Variants in GLRX3 observed in about 807,000 individuals in gnomAD.
The protein encoded by GLRX3 is glutaredoxin 3.
Under a neutral mutation model 49.5 loss-of-function variants are expected in GLRX3, and 22 were observed. That is an observed-to-expected ratio of 0.44 (90% CI 0.32 to 0.63). The LOEUF is 0.63. Ranked by LOEUF, GLRX3 falls within the 30% of genes least tolerant of loss-of-function variation. The pLI, the probability that GLRX3 is intolerant of heterozygous loss-of-function variation, is 0.05. For missense variants in GLRX3, 385 were observed against 396.3 expected, an observed-to-expected ratio of 0.97 and a Z score of 0.24; for synonymous variants, 133 against 140.0, an observed-to-expected ratio of 0.95 and a Z score of 0.35.
chr10:130,153,090 G>C (rs560784013), intron 2 of GLRX3, among the ~76,000 whole-genome samples: 13 of 151,806 alleles, frequency 8.6e-5, no homozygotes, highest in African/African-American at 2.4e-4. Flanking sequence ...CCGCTTGATC[G>C]AATCGGCTAT....
At chr10:130,159,803 A>G in intron 2 of GLRX3, 192 bp from the exon 3 acceptor site, 2 of 1,336,086 alleles carry the variant, frequency 1.5e-6, no homozygotes, top group Non-Finnish European at 1.9e-6. Flanking sequence ...CTGTTTTGAC[A>G]CTGCAAACTC....
At chr10:130,176,360 T>TC (rs1862920154) in intron 10 of GLRX3, among the ~76,000 whole-genome samples, 1 of 152,182 alleles carries the variant, frequency 6.6e-6, no homozygotes, top group African/African-American at 2.4e-5. Context: ...CCCCAGGTGA[T>TC]CCGCCCACCT....
intron 4 of GLRX3, among the ~76,000 whole-genome samples, chr10:130,163,482 A>G (rs142817335): frequency 2.6e-5 from 4 of 152,326 alleles, no homozygotes; most frequent in Admixed American, 2.6e-4. Flanking sequence ...TTATTTAATT[A>G]ATAAAAGACA....
chr10:130,169,734 T>G (rs955514128), intron 7 of GLRX3, among the ~76,000 whole-genome samples: 1 of 152,262 alleles, frequency 6.6e-6, no homozygotes, highest in Admixed American at 6.5e-5. Flanking sequence ...GCTAATGTGG[T>G]CAACACTGTT....
In GLRX3 at chr10:130,179,502, T is replaced by C. The variant is rs1010273276; in HGVS notation, c.*110T>C. ...CTAGGAATAGAAAATTCCTGCTTTC[T>C]CAGTTACATGTTTTGTGTATTTCAC... On this transcript the variant is annotated 3_prime_UTR_variant, in exon 11 of 11. Transcript: ENST00000331244. 1 of 690,004 alleles carries C rather than the reference T, an allele frequency of 1.4e-6. No individual in the cohort carries two copies. The allele number at this position is 690,004 out of a possible 1,614,324, so 42.7% of individuals were successfully genotyped here. A position where few individuals can be genotyped will look rare whatever the true frequency, so the allele number is the denominator to read the frequency against.
At chr10:130,163,353 C>A (rs1451123217) in intron 4 of GLRX3, among the ~76,000 whole-genome samples, 1 of 152,074 alleles carries the variant, frequency 6.6e-6, no homozygotes, top group Non-Finnish European at 1.5e-5. Flanking sequence ...ACCTGGGAGG[C>A]AGAGGTTGCA....
chr10:130,160,460 G>A lies in GLRX3; in HGVS notation c.277-336G>A, dbSNP rs76549150. 2.0e-4 allele frequency among the ~76,000 whole-genome samples: 31 copies of A among 152,292 alleles called. No homozygotes were observed. In the East Asian group the frequency reaches 5.6e-3, roughly 28 times the overall value. On this transcript the variant is annotated intron_variant, in intron 3 of 10. Coordinates refer to ENST00000331244, the MANE Select transcript of GLRX3 (RefSeq NM_006541.5). ...ACTTTTAGGAAGCAGGTGCACACCT[G>A]TGCTTCCAGGCACCCATGGGTGTCA... is the stretch of plus-strand genomic sequence containing the variant.
intron 1 of GLRX3, among the ~76,000 whole-genome samples, chr10:130,144,487 T>A (rs1396858705): frequency 6.6e-6 from 1 of 151,762 alleles, no homozygotes; most frequent in Non-Finnish European, 1.5e-5. Context: ...GGCCCTGGTA[T>A]GTGATGTTCC....
intron 6 of GLRX3, 113 bp downstream of exon 6, chr10:130,167,093 C>T (rs2134914086): frequency 1.8e-6 from 1 of 559,152 alleles, no homozygotes; most frequent in East Asian, 3.3e-5. Flanking sequence ...TTTGGTATGC[C>T]AGACGTCATA....
chr10:130,160,468 A>G (rs1338723074), intron 3 of GLRX3, among the ~76,000 whole-genome samples: 2 of 152,168 alleles, frequency 1.3e-5, no homozygotes, highest in African/African-American at 4.8e-5. Flanking sequence ...CTGTGCTTCC[A>G]GGCACCCATG....
intron 2 of GLRX3, among the ~76,000 whole-genome samples, chr10:130,155,824 G>A (rs556724728): frequency 6.6e-6 from 1 of 152,344 alleles, no homozygotes; most frequent in African/African-American, 2.4e-5. Context: ...GCTGGCACAT[G>A]CCGGTGTTCA....
At chr10:130,167,440 T>C (rs1213276338) in intron 6 of GLRX3, among the ~76,000 whole-genome samples, 2 of 152,222 alleles carry the variant, frequency 1.3e-5, no homozygotes, top group Non-Finnish European at 2.9e-5. Context: ...GCACTTCTCA[T>C]GGCCTTTCTA....
chr10:130,155,787 A>T (rs1225600544), intron 2 of GLRX3, among the ~76,000 whole-genome samples: 3 of 152,158 alleles, frequency 2.0e-5, no homozygotes, highest in Non-Finnish European at 4.4e-5. Context: ...GAGTGTGGAT[A>T]GGCATAGAAG....
intron 1 of GLRX3, among the ~76,000 whole-genome samples, chr10:130,139,545 G>A (rs1001655212): frequency 1.2e-4 from 18 of 151,394 alleles, no homozygotes; most frequent in Admixed American, 1.2e-3. Context: ...GGGAAGCTGA[G>A]GCAGGCGAAT....
At position 130,169,496 on chromosome 10, in the gene GLRX3, GA is replaced by G. The variant is rs775461164; in HGVS notation, c.771+8del. ...TTATGAAAGGAAACAAACAGGTAAA[GA>G]ACTCAAAAATGGTTTTATTTGTAAT... On this transcript the variant is annotated splice_region_variant and intron_variant, in intron 7 of 10. Transcript: ENST00000331244. The G allele has an allele frequency of 2.5e-6, 4 of 1,584,598 alleles. No homozygotes were observed. The Admixed American group carries it at 5.0e-5, about 20-fold the overall frequency.
intron 2 of GLRX3, among the ~76,000 whole-genome samples, chr10:130,149,934 TAAAAA>T (rs59275416): frequency 1.5e-5 from 2 of 132,158 alleles, no homozygotes; most frequent in African/African-American, 2.8e-5. Flanking sequence ...TTTTCATTAG[TAAAAA>T]AAAAAAAAAA....
At chr10:130,149,798 T>A (rs1862337429) in intron 2 of GLRX3, among the ~76,000 whole-genome samples, 1 of 150,974 alleles carries the variant, frequency 6.6e-6, no homozygotes, top group Non-Finnish European at 1.5e-5. Flanking sequence ...TTGGTCTCTG[T>A]GCCATTGGTT....
intron 7 of GLRX3, among the ~76,000 whole-genome samples, chr10:130,169,964 A>G (rs538276975): frequency 1.3e-5 from 2 of 152,330 alleles, no homozygotes; most frequent in African/African-American, 2.4e-5. Flanking sequence ...ATGGTCAGCA[A>G]TTCTCATTTT....
intron 2 of GLRX3, among the ~76,000 whole-genome samples, chr10:130,158,685 T>C (rs1590065965): frequency 1.3e-5 from 2 of 152,332 alleles, no homozygotes; most frequent in Admixed American, 1.3e-4. Flanking sequence ...GATCTGAGTG[T>C]GCTGTTGTGT....
Sources: allele counts gnomAD v4.1 joint callset (sites outside exome capture counted in the v4.1 genomes callset), GRCh38; gene constraint gnomAD v4.1.1; transcripts MANE v1.5; gene names NCBI Gene and HGNC (gene_info 2026-07-23, HGNC 2026-07-21).